ITGA9: variants seen among roughly 807,000 people sequenced by gnomAD.
ITGA9 encodes integrin subunit alpha 9, also known as integrin alpha-9.
A neutral mutation model predicts 127.8 loss-of-function variants in ITGA9; 56 were observed. That is an observed-to-expected ratio of 0.44 (90% CI 0.35 to 0.55). The LOEUF is 0.55. Among genes scored for constraint, ITGA9 ranks in the 20% least tolerant of loss-of-function variants. ITGA9 has a pLI of 0.00. For missense variants in ITGA9, 1,196 were observed against 1,347.1 expected (o/e 0.89, Z 1.76); for synonymous variants, 508 against 514.5 (o/e 0.99, Z 0.17).
At chr3:37,779,218 C>T (rs1441781865) in intron 24 of ITGA9, among the ~76,000 whole-genome samples, 1 of 152,150 alleles carries the variant, frequency 6.6e-6, no homozygotes, top group African/African-American at 2.4e-5. Context: ...AGTTCTCCCG[C>T]CTCAGCCTCC....
rs1201800188 is a variant in ITGA9, at chr3:37,799,663, T to C, written c.2890-4160T>C. On this transcript the variant is annotated intron_variant, in intron 26 of 27. Transcript: ENST00000264741. This position sits in a 1 kb window ranked among gnomAD's most constrained non-coding sequence, Gnocchi z 4.0. ...GGATACTGTAAACCGAGAAGTGACA[T>C]GATGAGACCTGTGCCTTAGAAAAAC... is the stretch of plus-strand genomic sequence containing the variant. 6.6e-6 allele frequency among the ~76,000 whole-genome samples: 1 copy of C among 151,802 alleles called. No individual in the cohort carries two copies. Among genetic ancestry groups the C allele is most frequent in the African/African-American group, 2.4e-5 (1 of 41,340 alleles).
At chr3:37,473,136 CAAAAAAA>C (rs36109791) in intron 2 of ITGA9, among the ~76,000 whole-genome samples, 306 of 70,796 alleles carry the variant, frequency 4.3e-3, no homozygotes, top group South Asian at 6.6e-3. Context: ...GAGACTGTCT[CAAAAAAA>C]AAAAAAAAAA....
At chr3:37,465,899 C>G (rs1298978200) in intron 1 of ITGA9, among the ~76,000 whole-genome samples, 1 of 152,122 alleles carries the variant, frequency 6.6e-6, no homozygotes, top group Non-Finnish European at 1.5e-5. Context: ...TTCCTCCTTT[C>G]AGGCTGATGT....
intron 15 of ITGA9, among the ~76,000 whole-genome samples, chr3:37,547,537 G>A (rs1022271232): frequency 6.6e-6 from 1 of 152,122 alleles, no homozygotes; most frequent in Non-Finnish European, 1.5e-5. Context: ...GGTTTTCAGA[G>A]GTGATCAAAA....
At chr3:37,558,135 G>A (rs988663314) in intron 15 of ITGA9, among the ~76,000 whole-genome samples, 2 of 152,222 alleles carry the variant, frequency 1.3e-5, no homozygotes, top group Admixed American at 1.3e-4. Flanking sequence ...AAAGCTCAAT[G>A]TGGGTCTGTG....
intron 13 of ITGA9, among the ~76,000 whole-genome samples, chr3:37,530,087 C>T (rs1042465181): frequency 5.3e-5 from 8 of 152,210 alleles, no homozygotes; most frequent in African/African-American, 1.7e-4. Flanking sequence ...GCTTCAAAGA[C>T]AGGCTGGAGC....
rs188358859 is a variant in ITGA9, at chr3:37,504,023, G to A, written c.742+716G>A. 1.2e-4 allele frequency among the ~76,000 whole-genome samples: 18 copies of A among 152,288 alleles called. No homozygotes were observed. In the East Asian group the frequency reaches 2.1e-3, roughly 18 times the overall value. The stretch of plus-strand genomic sequence containing the variant: ...TAATGATGACACACAATGCTCTTTC[G>A]CACTCATGATACATAACTTACAGGG... On this transcript the variant is annotated intron_variant, in intron 6 of 27. Coordinates refer to ENST00000264741, the MANE Select transcript of ITGA9 (RefSeq NM_002207.3).
intron 4 of ITGA9, among the ~76,000 whole-genome samples, chr3:37,485,343 C>T (rs986928130): frequency 6.6e-6 from 1 of 152,018 alleles, no homozygotes; most frequent in African/African-American, 2.4e-5. Context: ...GGACGGCTGC[C>T]TCTAAACCCA....
At position 37,820,678 on chromosome 3, in the gene ITGA9, C is replaced by G. The variant is rs1325223104; in HGVS notation, c.*1689C>G. On this transcript the variant is annotated 3_prime_UTR_variant, in exon 28 of 28. Transcript: ENST00000264741. ...ACTCAATAACTGTTAACAGCTATGG[C>G]TGCTATTCCTACTGATGGATAACCA... 6.6e-6 allele frequency: 1 copy of G among 152,200 alleles called. No homozygotes were observed. The highest frequency in any genetic ancestry group is 2.4e-5 in the African/African-American group (1 of 41,432). 9.4% of individuals were successfully genotyped at this position (152,200 alleles called of 1,614,324 possible). A position where few individuals can be genotyped will look rare whatever the true frequency, so the allele number is the denominator to read the frequency against.
At chr3:37,547,126 T>G (rs1261090337) in intron 15 of ITGA9, among the ~76,000 whole-genome samples, 1 of 152,104 alleles carries the variant, frequency 6.6e-6, no homozygotes, top group Non-Finnish European at 1.5e-5. Context: ...TAGGGAACTT[T>G]TTTTGAACAG....
At chr3:37,657,576 GT>G (rs1304937756) in intron 17 of ITGA9, among the ~76,000 whole-genome samples, 2 of 145,826 alleles carry the variant, frequency 1.4e-5, no homozygotes, top group African/African-American at 5.0e-5. Flanking sequence ...TTGATTCTCT[GT>G]TTTCTTCTTT....
At chr3:37,503,920 T>C (rs1047890793) in intron 6 of ITGA9, among the ~76,000 whole-genome samples, 1 of 152,216 alleles carries the variant, frequency 6.6e-6, no homozygotes, top group African/African-American at 2.4e-5. Context: ...TAGATGACAA[T>C]TACAAGACTC....
chr3:37,547,411 A>G (rs1053441734), intron 15 of ITGA9, among the ~76,000 whole-genome samples: 10 of 152,188 alleles, frequency 6.6e-5, no homozygotes, highest in African/African-American at 1.7e-4. Context: ...CTGAGAGATC[A>G]CACCCTGGGA....
chr3:37,809,473 A>T (rs749931689), intron 27 of ITGA9, among the ~76,000 whole-genome samples: 18 of 152,156 alleles, frequency 1.2e-4, no homozygotes, highest in Non-Finnish European at 2.5e-4. Context: ...TCTCTCCCAT[A>T]GTGTCATAGA....
intron 2 of ITGA9, 123 bp downstream of exon 2, chr3:37,471,257 T>C: frequency 9.1e-7 from 1 of 1,101,614 alleles, no homozygotes; most frequent in Non-Finnish European, 1.4e-6. Flanking sequence ...CCTCCCTCCT[T>C]CTCTCCAACA....
At chr3:37,622,151 TTC>T (rs1491547709) in intron 15 of ITGA9, among the ~76,000 whole-genome samples, 1 of 151,090 alleles carries the variant, frequency 6.6e-6, no homozygotes, top group Non-Finnish European at 1.5e-5. Context: ...TTTTTTTTTT[TTC>T]CCCGGCTCAC....
intron 18 of ITGA9, among the ~76,000 whole-genome samples, chr3:37,712,806 C>G (rs1701093067): frequency 6.6e-6 from 1 of 152,158 alleles, no homozygotes; most frequent in African/African-American, 2.4e-5. Flanking sequence ...GTCGCATGCC[C>G]ACCTCCTAAC....
intron 15 of ITGA9, among the ~76,000 whole-genome samples, chr3:37,605,730 C>G (rs994937752): frequency 6.6e-6 from 1 of 152,168 alleles, no homozygotes; most frequent in Admixed American, 6.5e-5. Context: ...AACGACTCAG[C>G]TGCCCCTATA....
At chr3:37,714,965 C>T (rs75287336) in intron 18 of ITGA9, among the ~76,000 whole-genome samples, 35 of 152,336 alleles carry the variant, frequency 2.3e-4, no homozygotes, top group African/African-American at 8.4e-4. Flanking sequence ...GTTCCCTCAC[C>T]CTCTCTGGGT....
Sources: gnomAD v4.1 joint callset for allele counts (sites outside exome capture counted in the v4.1 genomes callset) on GRCh38, gnomAD v4.1.1 for gene constraint, Gnocchi (gnomAD v3.1) non-coding constraint, MANE v1.5 for transcripts, NCBI Gene and HGNC (gene_info 2026-07-23, HGNC 2026-07-21) for gene names.